The following CSMD1 variants were observed in gnomAD, a reference collection of about 807,000 sequenced individuals.
The protein encoded by CSMD1 is CUB and Sushi multiple domains 1, also known as CUB and sushi domain-containing protein 1.
Under a neutral mutation model 417.5 loss-of-function variants are expected in CSMD1, and 213 were observed. The observed-to-expected ratio is 0.51, with a 90% CI of 0.46 to 0.57. The LOEUF (loss-of-function observed/expected upper bound fraction) is 0.57, where lower values mean the gene tolerates loss of function less well. Ranked by LOEUF, CSMD1 falls within the 20% of genes least tolerant of loss-of-function variation. CSMD1 has a pLI of 0.00. For missense variants in CSMD1, 6,923 were observed against 4,529.7 expected, an observed-to-expected ratio of 1.53 and a Z score of -15.17; for synonymous variants, 2,862 against 1,736.8, an observed-to-expected ratio of 1.65 and a Z score of -16.11.
intron 18 of CSMD1, among the ~76,000 whole-genome samples, chr8:3,385,683 T>C (rs1442465680): frequency 4.6e-5 from 7 of 152,174 alleles, no homozygotes; most frequent in Non-Finnish European, 8.8e-5. Flanking sequence ...ATGAAAGCGA[T>C]ATATTATTTT....
chr8:3,418,624 CTGTCTGCCATAACCTGCAACGTAA>C (rs1187661599), intron 12 of CSMD1, among the ~76,000 whole-genome samples: 5 of 152,154 alleles, frequency 3.3e-5, no homozygotes, highest in Non-Finnish European at 7.4e-5. Flanking sequence ...CTCAACAGGT[CTGTCTGCCATAACCTGCAACGTAA>C]TGAGAAGCAG....
At chr8:3,974,125 G>A (rs1190133871) in intron 5 of CSMD1, among the ~76,000 whole-genome samples, 1 of 152,046 alleles carries the variant, frequency 6.6e-6, no homozygotes, top group Admixed American at 6.6e-5. Flanking sequence ...CCACATAATA[G>A]GTAGTTTTGT....
intron 10 of CSMD1, among the ~76,000 whole-genome samples, chr8:3,495,098 A>G (rs773795708): frequency 1.3e-5 from 2 of 152,232 alleles, no homozygotes; most frequent in Non-Finnish European, 2.9e-5. Flanking sequence ...ATTTGTATGA[A>G]TACATTATTT....
Position 4,889,018 on chromosome 8 carries a change from A to C in CSMD1, c.85+105314T>G, listed in dbSNP as rs186213823. On this transcript the variant is annotated intron_variant, in intron 1 of 69. Coordinates refer to ENST00000635120, the MANE Select transcript of CSMD1 (RefSeq NM_033225.6). Reference sequence around the variant, plus strand: ...GGAAATAGAAAAATCACCATTTGGCAAACACGATGGCATTTATTGTTTCAG... The same window carrying C: ...GGAAATAGAAAAATCACCATTTGGCCAACACGATGGCATTTATTGTTTCAG... 1.3e-3 allele frequency among the ~76,000 whole-genome samples: 196 copies of C among 152,296 alleles called. 3 individuals carry two copies. The highest frequency in any genetic ancestry group is 6.8e-3 in the Middle Eastern group (2 of 294).
intron 1 of CSMD1, among the ~76,000 whole-genome samples, chr8:4,943,883 C>A (rs896817978): frequency 6.6e-6 from 1 of 152,078 alleles, no homozygotes; most frequent in African/African-American, 2.4e-5. Flanking sequence ...GAGCCCAAAA[C>A]GCTTAAAGGT....
rs1396332781 is a variant in CSMD1 at position 3,367,162 on chromosome 8, G to C, written c.2985C>G (p.Pro995=). The C allele has an allele frequency of 2.5e-6, 4 of 1,613,598 alleles. No homozygotes were observed. The highest frequency in any genetic ancestry group is 1.7e-5 in the Admixed American group (1 of 59,974). The change falls in exon 20 of 70, where the codon CCC becomes CCG. Residue 995 remains proline, a synonymous_variant. Transcript: ENST00000635120. ...ACACCGACCCGGTGAGCCTGGCAAC[G>C]GGCTCGGAAAAACTTCCATCCTCTG... ...LITEDGSFSE[P]VARLTGSVLP... is the part of the protein sequence containing the mutation.
chr8:4,612,308 T>C (rs1801221018), intron 2 of CSMD1, among the ~76,000 whole-genome samples: 1 of 152,084 alleles, frequency 6.6e-6, no homozygotes, highest in Admixed American at 6.6e-5. Flanking sequence ...CCTTGTTTCC[T>C]TTTTTGAAGT....
At chr8:4,267,588 C>T (rs528630533) in intron 3 of CSMD1, among the ~76,000 whole-genome samples, 1 of 151,864 alleles carries the variant, frequency 6.6e-6, no homozygotes, top group Non-Finnish European at 1.5e-5. Context: ...GTGACACATT[C>T]TTGGTTGGTA....
chr8:4,294,740 T>G (rs1261989414), intron 3 of CSMD1, among the ~76,000 whole-genome samples: 1 of 152,144 alleles, frequency 6.6e-6, no homozygotes, highest in Non-Finnish European at 1.5e-5. Context: ...TTTCTTACTG[T>G]AATTAGATGA....
chr8:4,155,551 G>A (rs1375041963), intron 3 of CSMD1, among the ~76,000 whole-genome samples: 1 of 152,152 alleles, frequency 6.6e-6, no homozygotes, highest in Non-Finnish European at 1.5e-5. Flanking sequence ...CTTAGGCCAT[G>A]TCTTAGAACG....
intron 3 of CSMD1, among the ~76,000 whole-genome samples, chr8:4,151,172 A>G (rs371416073): frequency 6.6e-6 from 1 of 152,214 alleles, no homozygotes; most frequent in Admixed American, 6.5e-5. Context: ...AAGCAAAGGA[A>G]TTCAGGCAAA....
At chr8:4,163,239 G>C (rs1035928874) in intron 3 of CSMD1, among the ~76,000 whole-genome samples, 2 of 152,088 alleles carry the variant, frequency 1.3e-5, no homozygotes, top group African/African-American at 2.4e-5. Flanking sequence ...AGCTCCTTCA[G>C]ATAAATAACA....
chr8:4,002,360 T>G (rs917425792), intron 4 of CSMD1, among the ~76,000 whole-genome samples: 2 of 152,200 alleles, frequency 1.3e-5, no homozygotes, highest in Non-Finnish European at 2.9e-5. Flanking sequence ...GATTTTACTT[T>G]CTAAACAGCA....
chr8:4,826,421 C>T (rs936202689), intron 1 of CSMD1, among the ~76,000 whole-genome samples: 23 of 152,066 alleles, frequency 1.5e-4, no homozygotes, highest in African/African-American at 3.9e-4. Context: ...GAGGGCATTG[C>T]GCTAACTGAA....
intron 68 of CSMD1, among the ~76,000 whole-genome samples, chr8:2,948,349 A>G (rs563701231): frequency 1.1e-4 from 16 of 152,130 alleles, no homozygotes; most frequent in Admixed American, 5.9e-4. Context: ...GATGACAAAA[A>G]TAGGAAGCAG....
intron 35 of CSMD1, among the ~76,000 whole-genome samples, chr8:3,188,310 T>TC (rs1169543270): frequency 2.3e-5 from 3 of 132,650 alleles, no homozygotes; most frequent in Non-Finnish European, 4.8e-5. Flanking sequence ...CTTTCTTTTT[T>TC]TTTTTTTTTT....
rs180803589 is a variant in CSMD1 at position 3,405,228 on chromosome 8, A to C, written c.2266+799T>G. ...ACTTCTTTGATATACACTAGAGGTA[A>C]GTTTTTAAGTTTTTTAAAAATATTT... is the stretch of plus-strand genomic sequence containing the variant. On this transcript the variant is annotated intron_variant, in intron 15 of 69. Transcript: ENST00000635120. 7.9e-4 allele frequency among the ~76,000 whole-genome samples: 121 copies of C among 152,300 alleles called. 1 individual carries two copies. The highest frequency in any genetic ancestry group is 2.7e-3 in the African/African-American group (112 of 41,574).
intron 2 of CSMD1, among the ~76,000 whole-genome samples, chr8:4,456,610 G>A (rs1008361030): frequency 1.3e-5 from 2 of 152,130 alleles, no homozygotes; most frequent in African/African-American, 4.8e-5. Context: ...TAGAAGAGTA[G>A]AGGCAATATT....
At chr8:4,140,669 A>G (rs75726522) in intron 3 of CSMD1, among the ~76,000 whole-genome samples, 45,135 of 150,348 alleles carry the variant, frequency 0.3, 8,406 homozygotes, top group Non-Finnish European at 0.39. Flanking sequence ...CCCTGTCTCA[A>G]TTAAAAATAA....
Sources: gnomAD v4.1 joint callset for allele counts (sites outside exome capture counted in the v4.1 genomes callset) on GRCh38, gnomAD v4.1.1 for gene constraint, MANE v1.5 for transcripts, NCBI Gene and HGNC (gene_info 2026-07-23, HGNC 2026-07-21) for gene names.